Variants in PPP2R5C observed in about 807,000 individuals in gnomAD.
The protein encoded by PPP2R5C is protein phosphatase 2 regulatory subunit B'gamma, also known as serine/threonine-protein phosphatase 2A 56 kDa regulatory subunit gamma isoform.
In PPP2R5C, 7 loss-of-function variants were observed where a neutral mutation model predicts 68.9. The observed-to-expected ratio is 0.10, with a 90% CI of 0.06 to 0.19. The LOEUF is 0.19. PPP2R5C is among the 10% of genes least tolerant of loss of function. The pLI is 1.00. For synonymous variants in PPP2R5C, 210 were observed against 222.2 expected, an observed-to-expected ratio of 0.95 and a Z score of 0.49; for missense variants, 348 against 641.3, an observed-to-expected ratio of 0.54 and a Z score of 4.94.
intron 8 of PPP2R5C, among the ~76,000 whole-genome samples, chr14:101,895,549 A>G (rs1005343912): frequency 3.9e-5 from 6 of 152,194 alleles, no homozygotes; most frequent in Admixed American, 2.6e-4. Flanking sequence ...GGTACCTTAT[A>G]TAAGGAGAAT....
chr14:101,914,517 G>C (rs1168766203), intron 12 of PPP2R5C: 1 of 175,238 alleles, frequency 5.7e-6, no homozygotes, highest in Non-Finnish European at 1.2e-5. Flanking sequence ...TTCAAAGTTT[G>C]GTTTTCCATC....
At chr14:101,773,120 T>C (rs916784826) in intron 2 of PPP2R5C, among the ~76,000 whole-genome samples, 3 of 152,210 alleles carry the variant, frequency 2.0e-5, no homozygotes, top group Admixed American at 6.5e-5. Context: ...AGACCTGGCA[T>C]GTGCTGAGCA....
chr14:101,761,897 C>A, exon 1 of PPP2R5C: 1 of 1,176,302 alleles, frequency 8.5e-7, no homozygotes, highest in Non-Finnish European at 1.1e-6. Context: ...TCCAGCCATG[C>A]CGAATAAAAA....
chr14:101,862,284 T>G (rs2042790656), intron 2 of PPP2R5C, among the ~76,000 whole-genome samples: 2 of 152,186 alleles, frequency 1.3e-5, no homozygotes, highest in African/African-American at 4.8e-5. Flanking sequence ...CTGCAGACAC[T>G]CCTGCTGAGC....
chr14:101,799,997 G>A (rs1047446694), intron 3 of PPP2R5C, among the ~76,000 whole-genome samples: 2 of 152,168 alleles, frequency 1.3e-5, no homozygotes, highest in Non-Finnish European at 2.9e-5. Context: ...AGTGGCTCAC[G>A]CCTATAATCC....
intron 2 of PPP2R5C, among the ~76,000 whole-genome samples, chr14:101,776,032 C>CA (rs2037402364): frequency 6.8e-6 from 1 of 147,746 alleles, no homozygotes; most frequent in African/African-American, 2.5e-5. Context: ...GCCCCCCCCC[C>CA]ACTCCACCCC....
At chr14:101,846,903 G>T (rs1246022691) in intron 1 of PPP2R5C, among the ~76,000 whole-genome samples, 1 of 152,178 alleles carries the variant, frequency 6.6e-6, no homozygotes, top group East Asian at 1.9e-4. Flanking sequence ...TCTTCCCACA[G>T]AACTTTTTAG....
Position 101,882,316 on chromosome 14 carries a change from T to A in PPP2R5C, c.405+45T>A, listed in dbSNP as rs780873715. ...AGACTCGGAGGGCACTGGTGACACA[T>A]GGGAATGGCCTGGGATCCACAGAGC... is the stretch of plus-strand genomic sequence containing the variant. On this transcript the variant is annotated intron_variant, in intron 3 of 13. Transcript: ENST00000334743. The surrounding 1 kb of genome is among the most constrained non-coding windows in gnomAD (Gnocchi z 4.9). 6.8e-7 allele frequency: 1 copy of A among 1,474,038 alleles called. No individual in the cohort carries two copies. Among genetic ancestry groups the A allele is most frequent in the Non-Finnish European group, 9.3e-7 (1 of 1,070,712 alleles). The allele number at this position is 1,474,038 out of a possible 1,614,324, so 91.3% of individuals were successfully genotyped here. A position where few individuals can be genotyped will look rare whatever the true frequency, so the allele number is the denominator to read the frequency against.
intron 1 of PPP2R5C, chr14:101,824,267 A>G: frequency 1.9e-6 from 2 of 1,066,332 alleles, no homozygotes; most frequent in South Asian, 3.2e-5. Context: ...ATGATATAGC[A>G]TGAAGTTCTT....
rs1243859767 is a variant in PPP2R5C, at chr14:101,770,593, C to T, written c.93+7623C>T. Among the ~76,000 whole-genome samples the T allele has an allele frequency of 2.0e-5, 3 of 152,166 alleles. No individual in the cohort carries two copies. In the East Asian group the frequency reaches 5.8e-4, roughly 29 times the overall value. On this transcript the variant is annotated intron_variant, in intron 2 of 14. Coordinates refer to the PPP2R5C transcript ENST00000328724. ...GGAGTTCCAGAAAGCACATTGGACC[C>T]TAGGGTGTGTATCATGGTTAAAGCC...
At chr14:101,860,735 C>T (rs2042693088) in intron 2 of PPP2R5C, among the ~76,000 whole-genome samples, 1 of 152,066 alleles carries the variant, frequency 6.6e-6, no homozygotes, top group Non-Finnish European at 1.5e-5. Flanking sequence ...GTGAAGTGTA[C>T]CTCATTGTGG....
intron 3 of PPP2R5C, among the ~76,000 whole-genome samples, chr14:101,795,869 C>G (rs1480732082): frequency 2.0e-5 from 3 of 152,176 alleles, no homozygotes. Context: ...GTCACCCAGG[C>G]TGGAGTGCAG....
chr14:101,844,131 G>C (rs1040860135), intron 1 of PPP2R5C: 1 of 147,116 alleles, frequency 6.8e-6, no homozygotes, highest in Non-Finnish European at 1.5e-5. Flanking sequence ...TCTGTTTTTG[G>C]TGTTTTTTTT....
intron 1 of PPP2R5C, among the ~76,000 whole-genome samples, chr14:101,834,578 GGTGC>G (rs1052390757): frequency 6.6e-6 from 1 of 152,204 alleles, no homozygotes; most frequent in Admixed American, 6.5e-5. Context: ...AAACTTCACT[GGTGC>G]GTTGCCAGCC....
At chr14:101,860,375 C>A (rs1244772710) in intron 2 of PPP2R5C, among the ~76,000 whole-genome samples, 3 of 152,190 alleles carry the variant, frequency 2.0e-5, no homozygotes, top group Non-Finnish European at 2.9e-5. Flanking sequence ...GTACCTCATG[C>A]CTTTTTATTG....
chr14:101,801,202 G>C (rs1473398644), intron 3 of PPP2R5C, among the ~76,000 whole-genome samples: 3 of 152,226 alleles, frequency 2.0e-5, no homozygotes, highest in Admixed American at 2.0e-4. Flanking sequence ...GTAGCTGGAA[G>C]AGAAGAATTG....
chr14:101,766,467 G>C (rs1490411407), intron 2 of PPP2R5C: 1 of 152,194 alleles, frequency 6.6e-6, no homozygotes, highest in African/African-American at 2.4e-5. Context: ...CTTCTTGAAA[G>C]ACATTTTCCC....
At chr14:101,819,347 CA>C in intron 1 of PPP2R5C, 1 of 390,914 alleles carries the variant, frequency 2.6e-6, no homozygotes, top group Non-Finnish European at 4.7e-6. Flanking sequence ...GTCACTGCCT[CA>C]TAAGATTACC....
At chr14:101,778,132 T>C (rs1310952611) in intron 2 of PPP2R5C, among the ~76,000 whole-genome samples, 2 of 152,236 alleles carry the variant, frequency 1.3e-5, no homozygotes, top group Non-Finnish European at 1.5e-5. Context: ...TGAAGTAGTA[T>C]GTCATTGTAA....
Sources: allele counts gnomAD v4.1 joint callset (sites outside exome capture counted in the v4.1 genomes callset), GRCh38; gene constraint gnomAD v4.1.1; non-coding constraint Gnocchi (gnomAD v3.1); transcripts MANE v1.5; gene names NCBI Gene and HGNC (gene_info 2026-07-23, HGNC 2026-07-21).